The following ROBO1 variants were observed in gnomAD, a reference collection of about 807,000 sequenced individuals.
The protein encoded by ROBO1 is roundabout guidance receptor 1, also known as roundabout homolog 1.
ROBO1 carries 149 observed loss-of-function variants against 195.9 expected under a neutral mutation model. The ratio of observed to expected loss-of-function variants is 0.76; its 90% CI spans 0.67 to 0.87. The LOEUF (loss-of-function observed/expected upper bound fraction) is 0.87, where lower values mean the gene tolerates loss of function less well. Ranked by LOEUF, ROBO1 falls within the 40% of genes least tolerant of loss-of-function variation. The pLI is 0.00. For missense variants in ROBO1, 1,933 were observed against 2,068.3 expected (o/e 0.93, Z 1.27); for synonymous variants, 816 against 733.2 (o/e 1.11, Z -1.82).
intron 1 of ROBO1, among the ~76,000 whole-genome samples, chr3:79,653,365 C>T (rs1324876314): frequency 1.3e-5 from 2 of 151,796 alleles, no homozygotes; most frequent in African/African-American, 4.8e-5. Context: ...CACATTTTAC[C>T]TCTATTGTTC....
intron 2 of ROBO1, among the ~76,000 whole-genome samples, chr3:79,575,259 A>G (rs1339826977): frequency 7.8e-6 from 1 of 128,946 alleles, no homozygotes; most frequent in Non-Finnish European, 1.6e-5. Context: ...AAATATATAT[A>G]AATATATATA....
chr3:79,287,038 A>G, intron 2 of ROBO1, among the ~76,000 whole-genome samples: 1 of 152,116 alleles, frequency 6.6e-6, no homozygotes, highest in East Asian at 1.9e-4. Context: ...TTGTGTGTCC[A>G]TTTTGGGAAG....
chr3:79,386,730 C>A (rs1326449966), intron 2 of ROBO1, among the ~76,000 whole-genome samples: 1 of 152,062 alleles, frequency 6.6e-6, no homozygotes. Flanking sequence ...GCTGCCTGTA[C>A]TAAGATGAAT....
chr3:78,791,964 G>A (rs921981540), intron 4 of ROBO1, among the ~76,000 whole-genome samples: 4 of 152,192 alleles, frequency 2.6e-5, no homozygotes, highest in Non-Finnish European at 4.4e-5. Context: ...CCTGATTGCT[G>A]TCCAGAATAC....
intron 3 of ROBO1, among the ~76,000 whole-genome samples, chr3:78,979,618 T>A (rs1451568602): frequency 6.6e-6 from 1 of 152,184 alleles, no homozygotes; most frequent in East Asian, 1.9e-4. Context: ...GACACTGTTT[T>A]ACTTCTTTAG....
chr3:78,945,973 A>AT lies in ROBO1; in HGVS notation c.173-7047_173-7046insA, dbSNP rs570601390. ...GCGAGAAGAGAAGTTTAGAGAAAAAAAAAAAATAAAAAGAAATCAACAAAG... is the reference window on the plus strand; with the variant it reads ...GCGAGAAGAGAAGTTTAGAGAAAAAATAAAAAATAAAAAGAAATCAACAAAG... On this transcript the variant is annotated intron_variant, in intron 3 of 30. Transcript: ENST00000464233. Among the ~76,000 whole-genome samples, 162 of 152,174 alleles carry AT rather than the reference A, an allele frequency of 1.1e-3. 4 individuals are homozygous for AT. The highest frequency in any genetic ancestry group is 3.1e-3 in the Admixed American group (48 of 15,288).
chr3:79,654,399 C>T (rs1184938812), intron 1 of ROBO1, among the ~76,000 whole-genome samples: 1 of 151,844 alleles, frequency 6.6e-6, no homozygotes, highest in Non-Finnish European at 1.5e-5. Context: ...ATACAATAGC[C>T]TTCTATTCCA....
intron 10 of ROBO1, among the ~76,000 whole-genome samples, chr3:78,678,585 T>A (rs1435785670): frequency 6.6e-6 from 1 of 152,056 alleles, no homozygotes; most frequent in Non-Finnish European, 1.5e-5. Context: ...AAGAAATGGA[T>A]AAATTCCTCG....
At chr3:78,806,689 G>T (rs1263751181) in intron 4 of ROBO1, among the ~76,000 whole-genome samples, 1 of 152,128 alleles carries the variant, frequency 6.6e-6, no homozygotes, top group Non-Finnish European at 1.5e-5. Context: ...AAGCGGGTAA[G>T]TTACAAAACC....
chr3:78,997,837 A>C (rs1235287404), intron 3 of ROBO1, among the ~76,000 whole-genome samples: 2 of 152,166 alleles, frequency 1.3e-5, no homozygotes, highest in African/African-American at 4.8e-5. Flanking sequence ...CAGCATTTCA[A>C]AAGATGAGAT....
chr3:79,742,706 T>G (rs978027438), intron 1 of ROBO1, among the ~76,000 whole-genome samples: 1 of 152,196 alleles, frequency 6.6e-6, no homozygotes, highest in Non-Finnish European at 1.5e-5. Flanking sequence ...TGAGAATAGC[T>G]AAGAGTTTCT....
chr3:79,308,035 T>C (rs1390958543), intron 2 of ROBO1, among the ~76,000 whole-genome samples: 4 of 152,194 alleles, frequency 2.6e-5, no homozygotes, highest in Non-Finnish European at 5.9e-5. Context: ...ATTTCACACC[T>C]ATAAATTCCC....
At chr3:79,031,483 A>G (rs1290371671) in intron 3 of ROBO1, among the ~76,000 whole-genome samples, 8 of 152,206 alleles carry the variant, frequency 5.3e-5, no homozygotes, top group African/African-American at 9.6e-5. Context: ...TATGTAGAAT[A>G]ATAACGAAGC....
chr3:78,818,471 C>T (rs570703464), intron 4 of ROBO1, among the ~76,000 whole-genome samples: 3 of 152,316 alleles, frequency 2.0e-5, no homozygotes, highest in South Asian at 2.1e-4. Flanking sequence ...AGCCGGGGTC[C>T]TGCTGCCACC....
chr3:79,471,673 T>C (rs569248004), intron 2 of ROBO1, among the ~76,000 whole-genome samples: 51 of 152,190 alleles, frequency 3.4e-4, no homozygotes, highest in African/African-American at 3.4e-4. Flanking sequence ...TGATTCCTTT[T>C]TGTCACGCTT....
chr3:78,717,796 G>A lies in ROBO1; in HGVS notation c.745C>T (p.Arg249Cys), dbSNP rs1398327693. Reference protein sequence around the residue: ...VCVGTNMVGERESEVAELTVL... With the variant: ...VCVGTNMVGECESEVAELTVL... ...GTCAGCTCGGCTACTTCACTCTCAC[G>A]TTCCCCAACCATATTGGTACCAACA... The change falls in exon 6 of 31, where the codon CGT becomes TGT. Residue 249 changes from arginine to cysteine, a missense_variant. Arg to Cys is a radical substitution (Grantham distance 180). Transcript: ENST00000464233. 8 of 1,613,286 alleles carry A rather than the reference G, an allele frequency of 5.0e-6. No individual in the cohort carries two copies. The highest frequency in any genetic ancestry group is 1.1e-5 in the South Asian group (1 of 91,044).
intron 1 of ROBO1, among the ~76,000 whole-genome samples, chr3:79,662,495 C>G (rs895937229): frequency 6.6e-6 from 1 of 151,944 alleles, no homozygotes; most frequent in African/African-American, 2.4e-5. Flanking sequence ...GAAGGGGAAA[C>G]TTTAGTTGTA....
chr3:79,400,907 T>A (rs1020963202), intron 2 of ROBO1, among the ~76,000 whole-genome samples: 1 of 151,884 alleles, frequency 6.6e-6, no homozygotes, highest in African/African-American at 2.4e-5. Flanking sequence ...AAATAAATAA[T>A]TTTAACTTTA....
At chr3:79,488,035 T>A (rs144830674) in intron 2 of ROBO1, among the ~76,000 whole-genome samples, 9 of 152,274 alleles carry the variant, frequency 5.9e-5, no homozygotes, top group African/African-American at 2.2e-4. Context: ...TATTATATTT[T>A]ATTGAACTGA....
Sources: allele counts gnomAD v4.1 joint callset (sites outside exome capture counted in the v4.1 genomes callset), GRCh38; gene constraint gnomAD v4.1.1; transcripts MANE v1.5; gene names NCBI Gene and HGNC (gene_info 2026-07-23, HGNC 2026-07-21).